SGCD: variants seen among roughly 807,000 people sequenced by gnomAD.
The protein encoded by SGCD is sarcoglycan delta.
A neutral mutation model predicts 36.6 loss-of-function variants in SGCD; 18 were observed. The ratio of observed to expected loss-of-function variants is 0.49; its 90% CI spans 0.34 to 0.73. SGCD has a LOEUF of 0.73. SGCD is among the 30% of genes least tolerant of loss of function. SGCD has a pLI of 0.01. For missense variants in SGCD, 387 were observed against 346.7 expected (o/e 1.12, Z -0.92); for synonymous variants, 133 against 130.6 (o/e 1.02, Z -0.12).
chr5:155,807,820 G>A, the SGCD span, among the ~76,000 whole-genome samples: 16 of 152,334 alleles, frequency 1.1e-4, no homozygotes, highest in African/African-American at 3.4e-4. Flanking sequence ...AACACTCCAA[G>A]AAAGACTCTT....
chr5:155,775,770 T>C, the SGCD span, among the ~76,000 whole-genome samples: 1 of 152,136 alleles, frequency 6.6e-6, no homozygotes, highest in African/African-American at 2.4e-5. Context: ...GGAGGATGCC[T>C]TGGGAAACAG....
At chr5:156,445,041 G>A (rs1753703165) in intron 3 of SGCD, among the ~76,000 whole-genome samples, 1 of 152,046 alleles carries the variant, frequency 6.6e-6, no homozygotes, top group Non-Finnish European at 1.5e-5. Flanking sequence ...CTTCATAATA[G>A]CCCAGTGAAT....
chr5:156,358,613 G>T (rs1244196444), intron 3 of SGCD, among the ~76,000 whole-genome samples: 2 of 152,308 alleles, frequency 1.3e-5, no homozygotes, highest in Non-Finnish European at 2.9e-5. Context: ...CCCTCATGGA[G>T]CTATCTGTCT....
chr5:155,885,664 T>A (rs1382395747), intron 1 of SGCD, among the ~76,000 whole-genome samples: 1 of 152,208 alleles, frequency 6.6e-6, no homozygotes, highest in Non-Finnish European at 1.5e-5. Context: ...GTAAGCAGAT[T>A]CAGAGGAATT....
chr5:156,315,874 C>A (rs1415742087), intron 3 of SGCD, among the ~76,000 whole-genome samples: 2 of 151,858 alleles, frequency 1.3e-5, no homozygotes, highest in Non-Finnish European at 2.9e-5. Flanking sequence ...ATATTCATAT[C>A]TTTGCCCATT....
At chr5:155,899,464 C>A (rs1263623789) in intron 1 of SGCD, among the ~76,000 whole-genome samples, 1 of 152,156 alleles carries the variant, frequency 6.6e-6, no homozygotes, top group Non-Finnish European at 1.5e-5. Context: ...ATGCTATTAG[C>A]AGAAGCATCA....
At chr5:156,174,067 G>A (rs1034082682) in intron 3 of SGCD, among the ~76,000 whole-genome samples, 1 of 152,178 alleles carries the variant, frequency 6.6e-6, no homozygotes, top group African/African-American at 2.4e-5. Context: ...CAGTTAGGGA[G>A]TTCAGTCTTT....
intron 3 of SGCD, among the ~76,000 whole-genome samples, chr5:156,221,458 G>C (rs1167790207): frequency 6.6e-6 from 1 of 151,856 alleles, no homozygotes; most frequent in Non-Finnish European, 1.5e-5. Context: ...TTCCTGAGTA[G>C]AGCTTTGGCA....
intron 1 of SGCD, among the ~76,000 whole-genome samples, chr5:155,895,340 C>A (rs189671854): frequency 1.3e-5 from 2 of 152,248 alleles, no homozygotes; most frequent in Admixed American, 1.3e-4. Flanking sequence ...ATTTCAAAAC[C>A]TGTTCATAGC....
chr5:156,741,769 A>T (rs1377724996), intron 7 of SGCD, among the ~76,000 whole-genome samples: 2 of 152,332 alleles, frequency 1.3e-5, no homozygotes, highest in Admixed American at 1.3e-4. Context: ...TACATGGTGA[A>T]TTGGCTAGAC....
At chr5:156,295,128 T>C (rs80082719) in intron 3 of SGCD, among the ~76,000 whole-genome samples, 2 of 152,178 alleles carry the variant, frequency 1.3e-5, no homozygotes, top group Non-Finnish European at 2.9e-5. Flanking sequence ...TCTGGAGATT[T>C]TGATTATTGA....
At chr5:156,475,980 C>G (rs574697082) in intron 3 of SGCD, among the ~76,000 whole-genome samples, 2 of 152,256 alleles carry the variant, frequency 1.3e-5, no homozygotes, top group African/African-American at 4.8e-5. Flanking sequence ...AGTGAGAAAT[C>G]AGGGAGGGAG....
At chr5:156,481,823 C>T (rs186516772) in intron 3 of SGCD, among the ~76,000 whole-genome samples, 1 of 152,256 alleles carries the variant, frequency 6.6e-6, no homozygotes. Flanking sequence ...GAACCCAGGG[C>T]CAAGGATTTG....
At chr5:156,566,828 TTAATA>T (rs1214381006) in intron 4 of SGCD, among the ~76,000 whole-genome samples, 5 of 152,330 alleles carry the variant, frequency 3.3e-5, no homozygotes, top group African/African-American at 1.2e-4. Context: ...GACATTATCT[TTAATA>T]TAATCAAAAA....
intron 7 of SGCD, among the ~76,000 whole-genome samples, chr5:156,716,238 A>G (rs1427341278): frequency 6.6e-6 from 1 of 152,192 alleles, no homozygotes; most frequent in Non-Finnish European, 1.5e-5. Context: ...TCTGATATCC[A>G]TGATGTGCTT....
chr5:156,604,993 A>G (rs1430650223), intron 6 of SGCD, among the ~76,000 whole-genome samples: 3 of 151,680 alleles, frequency 2.0e-5, no homozygotes, highest in African/African-American at 7.3e-5. Context: ...CCATTGTAGC[A>G]ATGGGGTATT....
intron 3 of SGCD, among the ~76,000 whole-genome samples, chr5:156,415,676 A>G (rs1457941069): frequency 1.3e-5 from 2 of 152,202 alleles, no homozygotes; most frequent in Non-Finnish European, 2.9e-5. Context: ...CATTTTAGTG[A>G]AAAAGGAAGC....
intron 7 of SGCD, among the ~76,000 whole-genome samples, chr5:156,667,640 C>G (rs1000366023): frequency 1.3e-5 from 2 of 152,196 alleles, no homozygotes; most frequent in Non-Finnish European, 2.9e-5. Context: ...AGTCTGTACT[C>G]TGAAGGCATC....
chr5:156,717,905 GA>G (rs1581455261), intron 7 of SGCD, among the ~76,000 whole-genome samples: 1 of 151,704 alleles, frequency 6.6e-6, no homozygotes, highest in East Asian at 1.9e-4. Context: ...TTTCCTATGT[GA>G]CCCCTCTTGA....
Sources: allele counts gnomAD v4.1 joint callset (sites outside exome capture counted in the v4.1 genomes callset), GRCh38; gene constraint gnomAD v4.1.1; transcripts MANE v1.5; gene names NCBI Gene and HGNC (gene_info 2026-07-23, HGNC 2026-07-21).